IL1RAPL2: variants seen among roughly 807,000 people sequenced by gnomAD.
The protein encoded by IL1RAPL2 is interleukin 1 receptor accessory protein like 2.
In IL1RAPL2, 3 loss-of-function variants were observed where a neutral mutation model predicts 44.1. That is an observed-to-expected ratio of 0.07 (90% CI 0.03 to 0.18). The LOEUF is 0.18. IL1RAPL2 is among the 10% of genes least tolerant of loss of function. The probability of loss-of-function intolerance (pLI) is 1.00; values close to 1 mark genes in which losing one functional copy is unlikely to be tolerated. For missense variants in IL1RAPL2, 391 were observed against 496.4 expected (o/e 0.79, Z 2.02); for synonymous variants, 181 against 178.8 (o/e 1.01, Z -0.10).
At chrX:105,662,689 G>A (rs1285285957) in intron 6 of IL1RAPL2, among the ~76,000 whole-genome samples, 2 of 111,288 alleles carry the variant, frequency 1.8e-5, no homozygotes, top group Non-Finnish European at 3.8e-5. Flanking sequence ...TCTCTCTCAG[G>A]TCGTTTGCGC....
At chrX:105,084,433 T>G (rs1462534163) in intron 2 of IL1RAPL2, among the ~76,000 whole-genome samples, 2 of 112,941 alleles carry the variant, frequency 1.8e-5, no homozygotes, top group Admixed American at 9.3e-5. Context: ...GACCTGGATG[T>G]GATACATGGA....
chrX:105,266,370 G>C (rs890960450), intron 4 of IL1RAPL2, among the ~76,000 whole-genome samples: 2 of 111,152 alleles, frequency 1.8e-5, no homozygotes, highest in African/African-American at 6.5e-5. Flanking sequence ...TGAATATTCA[G>C]CACTCCCTAA....
At chrX:105,649,648 G>A (rs945015461) in intron 6 of IL1RAPL2, among the ~76,000 whole-genome samples, 1 of 111,596 alleles carries the variant, frequency 9.0e-6, no homozygotes, top group African/African-American at 3.3e-5. Context: ...CTACAGAGAG[G>A]CAGAGGTCAG....
At chrX:104,760,628 T>A (rs1306365905) in intron 2 of IL1RAPL2, among the ~76,000 whole-genome samples, 4 of 112,122 alleles carry the variant, frequency 3.6e-5, no homozygotes, top group Admixed American at 9.5e-5. Flanking sequence ...TTTGATTGGA[T>A]TTTTAGATTT....
chrX:104,722,836 G>A (rs974943311), intron 2 of IL1RAPL2, among the ~76,000 whole-genome samples: 1 of 111,707 alleles, frequency 9.0e-6, no homozygotes, highest in African/African-American at 3.2e-5. Flanking sequence ...AGAATCTGAC[G>A]AATGGATGGT....
intron 2 of IL1RAPL2, among the ~76,000 whole-genome samples, chrX:104,977,404 G>A (rs1192424950): frequency 1.8e-5 from 2 of 112,053 alleles, no homozygotes; most frequent in Non-Finnish European, 3.8e-5. Context: ...TGCGGTGTTA[G>A]CAGCTCTTTA....
chrX:104,679,062 A>G (rs1005479672), intron 2 of IL1RAPL2, among the ~76,000 whole-genome samples: 4 of 112,103 alleles, frequency 3.6e-5, no homozygotes, highest in African/African-American at 1.3e-4. Context: ...AACTTACCTT[A>G]CATCCTGATT....
chrX:105,180,597 C>CAT (rs1453765649), intron 2 of IL1RAPL2, among the ~76,000 whole-genome samples: 1 of 111,801 alleles, frequency 8.9e-6, no homozygotes, highest in Non-Finnish European at 1.9e-5. Context: ...TTGAGACAAT[C>CAT]ATATGGCTTT....
intron 5 of IL1RAPL2, among the ~76,000 whole-genome samples, chrX:105,365,818 C>T (rs1427645030): frequency 2.7e-5 from 3 of 110,769 alleles, no homozygotes; most frequent in African/African-American, 9.9e-5. Context: ...GCTCTGTCAC[C>T]CAGGCTGGAG....
chrX:104,810,338 A>G (rs1157588771), intron 2 of IL1RAPL2, among the ~76,000 whole-genome samples: 1 of 110,802 alleles, frequency 9.0e-6, no homozygotes, highest in Admixed American at 9.7e-5. Flanking sequence ...TGGGTGCAGC[A>G]CACCAGCATG....
At chrX:105,713,234 C>G (rs771825136) in intron 6 of IL1RAPL2, among the ~76,000 whole-genome samples, 68 of 111,823 alleles carry the variant, frequency 6.1e-4, no homozygotes, top group African/African-American at 2.0e-3. Flanking sequence ...TGGGGACTCT[C>G]TATCAGGGCT....
At chrX:105,010,570 T>A in intron 2 of IL1RAPL2, among the ~76,000 whole-genome samples, 1 of 111,688 alleles carries the variant, frequency 9.0e-6, no homozygotes, top group Middle Eastern at 4.6e-3. Context: ...TTTCTTTAGA[T>A]AGCAATGCTA....
At chrX:104,902,610 G>A (rs1923852903) in intron 2 of IL1RAPL2, among the ~76,000 whole-genome samples, 1 of 111,921 alleles carries the variant, frequency 8.9e-6, no homozygotes, top group Admixed American at 9.5e-5. Context: ...AAGCCTAACA[G>A]ATTATTTAGT....
At chrX:105,456,602 GT>G (rs2036056660) in intron 5 of IL1RAPL2, among the ~76,000 whole-genome samples, 1 of 111,222 alleles carries the variant, frequency 9.0e-6, no homozygotes, top group Non-Finnish European at 1.9e-5. Flanking sequence ...CTTTAGTCCT[GT>G]TTATGCTGCT....
At chrX:104,741,926 G>T (rs1040525363) in intron 2 of IL1RAPL2, among the ~76,000 whole-genome samples, 83 of 111,409 alleles carry the variant, frequency 7.5e-4, no homozygotes, top group Non-Finnish European at 8.7e-4. Context: ...CAGCTATCTT[G>T]ATCTACTGAG....
chrX:105,303,771 C>T (rs943984504), intron 5 of IL1RAPL2, among the ~76,000 whole-genome samples: 3 of 112,216 alleles, frequency 2.7e-5, no homozygotes, highest in Admixed American at 9.4e-5. Context: ...GTGTGCCTTT[C>T]GTTCTCCTTC....
intron 2 of IL1RAPL2, among the ~76,000 whole-genome samples, chrX:104,898,872 C>T (rs1390543918): frequency 8.9e-6 from 1 of 112,159 alleles, no homozygotes; most frequent in Non-Finnish European, 1.9e-5. Flanking sequence ...AATCATTTTG[C>T]TTCTATTTCT....
At chrX:105,174,773 C>T (rs1392691270) in intron 2 of IL1RAPL2, among the ~76,000 whole-genome samples, 2 of 111,444 alleles carry the variant, frequency 1.8e-5, no homozygotes, top group African/African-American at 3.3e-5. Context: ...GGCTGAGTCC[C>T]GAACATCAGC....
rs753345313 is a variant in IL1RAPL2, at chrX:104,900,425, A to G, written c.82+241430A>G. On this transcript the variant is annotated intron_variant, in intron 2 of 10. Transcript: ENST00000372582. ...GAGGTTCTTAACATACAGTACACAG[A>G]TTCTTGAAGGCGGAGAGTCTCTGAA... 6.3e-5 allele frequency among the ~76,000 whole-genome samples: 7 copies of G among 111,443 alleles called. No individual in the cohort carries two copies. In the Admixed American group the frequency reaches 6.7e-4, roughly 11 times the overall value.
Sources: allele counts gnomAD v4.1 joint callset (sites outside exome capture counted in the v4.1 genomes callset), GRCh38; gene constraint gnomAD v4.1.1; transcripts MANE v1.5; gene names NCBI Gene and HGNC (gene_info 2026-07-23, HGNC 2026-07-21).